The following EHF variants were observed in gnomAD, a reference collection of about 807,000 sequenced individuals.
EHF encodes ETS homologous factor.
In EHF, 14 loss-of-function variants were observed where a neutral mutation model predicts 45.1. The ratio of observed to expected loss-of-function variants is 0.31; its 90% CI spans 0.21 to 0.49. EHF has a LOEUF of 0.49. Among genes scored for constraint, EHF ranks in the 20% least tolerant of loss-of-function variants. The probability of loss-of-function intolerance (pLI) is 0.99; values close to 1 mark genes in which losing one functional copy is unlikely to be tolerated. For synonymous variants in EHF, 136 were observed against 131.8 expected (o/e 1.03, Z -0.22); for missense variants, 282 against 371.4 (o/e 0.76, Z 1.98).
At chr11:34,641,196 A>T (rs1853963198) in intron 1 of EHF, among the ~76,000 whole-genome samples, 1 of 152,112 alleles carries the variant, frequency 6.6e-6, no homozygotes, top group South Asian at 2.1e-4. Flanking sequence ...CCTTCTACTT[A>T]GGCTGGATTC....
At chr11:34,642,789 C>T (rs1854138310) in intron 2 of EHF, 62 bp downstream of exon 2, 3 of 1,183,746 alleles carry the variant, frequency 2.5e-6, no homozygotes, top group Admixed American at 1.7e-5. Context: ...GCTTTAATTC[C>T]TCTCACAACC....
chr11:34,651,904 C>A, intron 6 of EHF, 99 bp downstream of exon 6: 2 of 1,189,784 alleles, frequency 1.7e-6, no homozygotes, highest in Non-Finnish European at 2.4e-6. Flanking sequence ...TGGAGTCTTT[C>A]TAATTAAAGG....
rs145295945 is a variant in EHF at position 34,623,958 on chromosome 11, C to T, written c.-4+2730C>T. Among the ~76,000 whole-genome samples the T allele has an allele frequency of 5.2e-3, 796 of 152,278 alleles. 1 individual carries two copies. Among genetic ancestry groups the T allele is most frequent in the Non-Finnish European group, 9.0e-3 (615 of 68,026 alleles). ...TTTTCTCCCTTCCTCCATATGGAGT[C>T]ATCTCTATGCCCTTTCATACAGATG... is the stretch of plus-strand genomic sequence containing the variant. On this transcript the variant is annotated intron_variant, in intron 1 of 8. Coordinates refer to ENST00000257831, the MANE Select transcript of EHF (RefSeq NM_012153.6).
chr11:34,629,641 A>T (rs1036693516), intron 1 of EHF, among the ~76,000 whole-genome samples: 1 of 152,188 alleles, frequency 6.6e-6, no homozygotes, highest in African/African-American at 2.4e-5. Context: ...CAAAACAGGG[A>T]TGTGGACGTA....
intron 3 of EHF, 124 bp downstream of exon 3, chr11:34,646,808 T>C (rs1854596154): frequency 1.6e-6 from 2 of 1,273,852 alleles, no homozygotes; most frequent in Admixed American, 1.8e-5. Flanking sequence ...CAAATTACCA[T>C]GTCCCAAGAC....
chr11:34,648,553 A>C (rs1274287519), intron 3 of EHF, among the ~76,000 whole-genome samples: 1 of 152,352 alleles, frequency 6.6e-6, no homozygotes, highest in South Asian at 2.1e-4. Flanking sequence ...AAATCAAAGA[A>C]GAATCAAGCT....
At chr11:34,632,591 T>C (rs1218154937) in intron 1 of EHF, 3 of 1,535,442 alleles carry the variant, frequency 2.0e-6, no homozygotes, top group Non-Finnish European at 2.6e-6. Context: ...GGCAAGGGCA[T>C]GGGGTTGCCG....
Position 34,659,164 on chromosome 11 carries a change from T to A in EHF, c.*233T>A, listed in dbSNP as rs1350662885. 2.5e-6 allele frequency: 1 copy of A among 405,028 alleles called. No individual in the cohort carries two copies. Among genetic ancestry groups the A allele is most frequent in the Non-Finnish European group, 4.4e-6 (1 of 227,796 alleles). The allele number at this position is 405,028 out of a possible 1,614,324, so 25.1% of individuals were successfully genotyped here. ...AAAACGTACACAGTTTTCTGTGAAATATGATGCTGTATGTGGTTGTGATTT... is the reference window on the plus strand; with the variant it reads ...AAAACGTACACAGTTTTCTGTGAAAAATGATGCTGTATGTGGTTGTGATTT... On this transcript the variant is annotated 3_prime_UTR_variant, in exon 9 of 9. Transcript: ENST00000257831.
At chr11:34,656,591 G>A (rs565440053) in intron 6 of EHF, among the ~76,000 whole-genome samples, 1 of 149,858 alleles carries the variant, frequency 6.7e-6, no homozygotes, top group East Asian at 2.0e-4. Context: ...ACACATGGAA[G>A]GCTGTTGCAC....
chr11:34,652,524 C>A (rs143553494), intron 6 of EHF, among the ~76,000 whole-genome samples: 100 of 152,226 alleles, frequency 6.6e-4, no homozygotes, highest in Admixed American at 1.8e-3. Flanking sequence ...GGTGCATTGG[C>A]GTGTACAGTG....
intron 2 of EHF, 115 bp downstream of exon 2, chr11:34,642,842 C>A: frequency 1.3e-6 from 1 of 775,692 alleles, no homozygotes. Context: ...AGATGTGGGA[C>A]AAGAAGGAAT....
chr11:34,624,171 A>G, intron 1 of EHF: 1 of 513,378 alleles, frequency 1.9e-6, no homozygotes, highest in Non-Finnish European at 2.5e-6. Flanking sequence ...GCTCTCTGGT[A>G]GAGTTGACGT....
intron 6 of EHF, among the ~76,000 whole-genome samples, chr11:34,654,728 T>C (rs1855506698): frequency 6.6e-6 from 1 of 152,110 alleles, no homozygotes; most frequent in African/African-American, 2.4e-5. Flanking sequence ...TATATGTGCA[T>C]TTTTTTCTGA....
At chr11:34,645,314 G>A (rs1854403363) in intron 2 of EHF, among the ~76,000 whole-genome samples, 1 of 151,974 alleles carries the variant, frequency 6.6e-6, no homozygotes, top group Non-Finnish European at 1.5e-5. Context: ...CTTCTTCATT[G>A]GCATCTGAAT....
At position 34,646,423 on chromosome 11, in the gene EHF, G is replaced by A. The variant is rs368291690; in HGVS notation, c.98-16G>A. On this transcript the variant is annotated splice_polypyrimidine_tract_variant and intron_variant, in intron 2 of 8. Coordinates refer to ENST00000257831, the MANE Select transcript of EHF (RefSeq NM_012153.6). Reference sequence around the variant, plus strand: ...ACAGCCAGGGGTCACTCATGAGGCTGCTTCCTGTTTTGCAGTTTCCAGTGG... The same window carrying A: ...ACAGCCAGGGGTCACTCATGAGGCTACTTCCTGTTTTGCAGTTTCCAGTGG... The A allele has an allele frequency of 2.8e-4, 459 of 1,613,472 alleles. 1 individual carries two copies. The highest frequency in any genetic ancestry group is 3.5e-4 in the Non-Finnish European group (411 of 1,179,930).
intron 6 of EHF, among the ~76,000 whole-genome samples, chr11:34,655,486 A>G (rs1855576794): frequency 6.6e-6 from 1 of 152,238 alleles, no homozygotes; most frequent in Non-Finnish European, 1.5e-5. Flanking sequence ...ATTTCTGGAA[A>G]TGACATAGAA....
intron 1 of EHF, among the ~76,000 whole-genome samples, chr11:34,627,349 C>T (rs189746493): frequency 6.6e-6 from 1 of 152,200 alleles, no homozygotes; most frequent in Admixed American, 6.5e-5. Flanking sequence ...GCAGCACATT[C>T]CTGTTCTTGT....
intron 1 of EHF, among the ~76,000 whole-genome samples, chr11:34,638,613 G>T (rs984142998): frequency 1.3e-5 from 2 of 152,090 alleles, no homozygotes; most frequent in East Asian, 3.9e-4. Context: ...GTGTGGAGGG[G>T]GTGCTGCTGG....
At chr11:34,637,673 A>T (rs1049731980) in intron 1 of EHF, among the ~76,000 whole-genome samples, 6 of 152,164 alleles carry the variant, frequency 3.9e-5, no homozygotes, top group Non-Finnish European at 7.3e-5. Context: ...ATTGGGTAGC[A>T]CACAGGGCTC....
Sources: gnomAD v4.1 joint callset for allele counts (sites outside exome capture counted in the v4.1 genomes callset) on GRCh38, gnomAD v4.1.1 for gene constraint, MANE v1.5 for transcripts, NCBI Gene and HGNC (gene_info 2026-07-23, HGNC 2026-07-21) for gene names.